FRMPD4: variants seen among roughly 807,000 people sequenced by gnomAD.
The protein encoded by FRMPD4 is FERM and PDZ domain containing 4, also known as FERM and PDZ domain-containing protein 4.
FRMPD4 carries 22 observed loss-of-function variants against 94.1 expected under a neutral mutation model. That is an observed-to-expected ratio of 0.23 (90% CI 0.17 to 0.33). FRMPD4 has a LOEUF of 0.33. FRMPD4 is among the 10% of genes least tolerant of loss of function. The probability of loss-of-function intolerance (pLI) is 1.00; values close to 1 mark genes in which losing one functional copy is unlikely to be tolerated. For synonymous variants in FRMPD4, 631 were observed against 548.6 expected (o/e 1.15, Z -2.10); for missense variants, 1,111 against 1,339.9 (o/e 0.83, Z 2.67).
intron 2 of FRMPD4, among the ~76,000 whole-genome samples, chrX:11,869,718 A>G (rs2053745206): frequency 8.9e-6 from 1 of 111,990 alleles, no homozygotes; most frequent in Non-Finnish European, 1.9e-5. Flanking sequence ...TTGTCAATAC[A>G]CATCACAGGA....
chrX:12,106,737 G>A (rs1320118091), intron 3 of FRMPD4, among the ~76,000 whole-genome samples: 1 of 111,794 alleles, frequency 8.9e-6, no homozygotes, highest in Non-Finnish European at 1.9e-5. Flanking sequence ...TTAGCAAATG[G>A]CACACCAGAT....
intron 1 of FRMPD4, among the ~76,000 whole-genome samples, chrX:12,224,630 C>T (rs1311095186): frequency 1.8e-5 from 2 of 111,353 alleles, no homozygotes; most frequent in African/African-American, 6.5e-5. Context: ...ATGCTGTTTG[C>T]CTACCATCCT....
rs187088268 is a variant in FRMPD4 at position 12,290,456 on chromosome X, A to T, written c.41+151444A>T. On this transcript the variant is annotated intron_variant, in intron 1 of 16. Transcript: ENST00000675598. ...TGGGATTTAAACTTAAAACTGTTTT[A>T]AAAATGGCTAACTATCTAAAGTGCC... Among the ~76,000 whole-genome samples, 816 of 112,407 alleles carry T rather than the reference A, an allele frequency of 7.3e-3. 8 individuals carry two copies. The highest frequency in any genetic ancestry group is 0.025 in the African/African-American group (777 of 31,006).
chrX:12,206,712 G>T (rs1317486787), intron 1 of FRMPD4, among the ~76,000 whole-genome samples: 1 of 111,932 alleles, frequency 8.9e-6, no homozygotes, highest in Non-Finnish European at 1.9e-5. Context: ...AGTGGTAGCA[G>T]CTGTGATATC....
At chrX:12,161,850 G>A (rs2056031888) in intron 1 of FRMPD4, among the ~76,000 whole-genome samples, 1 of 111,731 alleles carries the variant, frequency 9.0e-6, no homozygotes, top group Non-Finnish European at 1.9e-5. Context: ...CCGATAATGT[G>A]AGTATTAATG....
intron 3 of FRMPD4, among the ~76,000 whole-genome samples, chrX:12,125,543 T>A (rs774190813): frequency 1.4e-4 from 15 of 109,575 alleles, no homozygotes; most frequent in African/African-American, 5.0e-4. Flanking sequence ...TTTTTTTTAA[T>A]CCCCCCCGGT....
chrX:12,587,035 G>C (rs929125501), intron 2 of FRMPD4, among the ~76,000 whole-genome samples: 13 of 108,886 alleles, frequency 1.2e-4, no homozygotes, highest in Middle Eastern at 4.3e-3. Flanking sequence ...GGAGTGTAGC[G>C]GTGTGATCTC....
intron 3 of FRMPD4, among the ~76,000 whole-genome samples, chrX:11,995,662 T>G (rs1362206499): frequency 4.5e-5 from 5 of 111,864 alleles, no homozygotes; most frequent in African/African-American, 1.6e-4. Context: ...ATTGTCAAAA[T>G]CTCACTGTGT....
intron 3 of FRMPD4, among the ~76,000 whole-genome samples, chrX:11,894,944 C>T (rs143104704): frequency 0.015 from 1,682 of 111,715 alleles, 88 homozygotes; most frequent in East Asian, 0.11. Flanking sequence ...GATCTACATG[C>T]GGCAGATAGG....
intron 3 of FRMPD4, among the ~76,000 whole-genome samples, chrX:12,102,297 T>G (rs2407670): frequency 0.11 from 12,403 of 111,746 alleles, 1,105 homozygotes; most frequent in East Asian, 0.61. Context: ...AGCTTATGTA[T>G]GTCATTATAA....
At chrX:12,188,638 C>T (rs2147686699) in intron 1 of FRMPD4, among the ~76,000 whole-genome samples, 1 of 111,643 alleles carries the variant, frequency 9.0e-6, no homozygotes, top group South Asian at 3.8e-4. Flanking sequence ...AGCATATAAA[C>T]CACAGTTTAT....
chrX:12,343,099 G>T (rs769747534), intron 1 of FRMPD4, among the ~76,000 whole-genome samples: 3 of 112,170 alleles, frequency 2.7e-5, no homozygotes, highest in African/African-American at 9.7e-5. Context: ...AGTGACTTGG[G>T]GAGAAGAGAC....
intron 1 of FRMPD4, among the ~76,000 whole-genome samples, chrX:11,843,051 A>G (rs2053548235): frequency 8.9e-6 from 1 of 112,206 alleles, no homozygotes; most frequent in African/African-American, 3.2e-5. Flanking sequence ...ATCTACTGAG[A>G]TGATCACATG....
Position 12,571,952 on chromosome X carries a change from TAAAGA to T in FRMPD4, c.159-37765_159-37761del, listed in dbSNP as rs763959805. 1.2e-4 allele frequency among the ~76,000 whole-genome samples: 14 copies of T among 112,293 alleles called. No individual in the cohort carries two copies. The East Asian group carries it at 2.2e-3, about 18-fold the overall frequency. ...TAAACAAAGAGAACTTTTTCTAAAT[TAAAGA>T]AAACAGAAAAGGAAAACATAAGATT... On this transcript the variant is annotated intron_variant, in intron 2 of 16. Coordinates refer to ENST00000675598, the MANE Select transcript of FRMPD4 (RefSeq NM_001368397.1).
chrX:12,208,659 TAAAA>T (rs1165921518), intron 1 of FRMPD4, among the ~76,000 whole-genome samples: 1 of 112,170 alleles, frequency 8.9e-6, no homozygotes, highest in African/African-American at 3.2e-5. Flanking sequence ...TTAAATCATA[TAAAA>T]ATAGGCATAT....
chrX:12,182,366 C>T lies in FRMPD4; in HGVS notation c.41+43354C>T, dbSNP rs1009632170. Among the ~76,000 whole-genome samples the T allele has an allele frequency of 8.1e-5, 9 of 110,680 alleles. No individual in the cohort carries two copies. In the South Asian group the frequency reaches 1.6e-3, roughly 19 times the overall value. ...TATGCAAGCAAGATTTTTGCTGTGT[C>T]GTGTTTATTTACTGTCATATTTATA... On this transcript the variant is annotated intron_variant, in intron 1 of 16. Coordinates refer to ENST00000675598, the MANE Select transcript of FRMPD4 (RefSeq NM_001368397.1).
intron 1 of FRMPD4, among the ~76,000 whole-genome samples, chrX:11,842,067 G>T (rs966012016): frequency 2.8e-5 from 3 of 108,579 alleles, no homozygotes; most frequent in Non-Finnish European, 5.7e-5. Flanking sequence ...TAGATATGTG[G>T]CGTTATTTCT....
chrX:12,053,583 C>T (rs1251551933), intron 3 of FRMPD4, among the ~76,000 whole-genome samples: 1 of 109,778 alleles, frequency 9.1e-6, no homozygotes, highest in African/African-American at 3.3e-5. Flanking sequence ...CATATTGGAC[C>T]AAGCTCAATC....
At chrX:12,598,034 T>C (rs2059048647) in intron 2 of FRMPD4, among the ~76,000 whole-genome samples, 1 of 109,359 alleles carries the variant, frequency 9.1e-6, no homozygotes, top group Admixed American at 9.8e-5. Context: ...TTGTTTTTAA[T>C]TTTTTGAGAA....
Sources: gnomAD v4.1 joint callset for allele counts (sites outside exome capture counted in the v4.1 genomes callset) on GRCh38, gnomAD v4.1.1 for gene constraint, MANE v1.5 for transcripts, NCBI Gene and HGNC (gene_info 2026-07-23, HGNC 2026-07-21) for gene names.